CSMD1: variants seen among roughly 807,000 people sequenced by gnomAD.
The protein encoded by CSMD1 is CUB and Sushi multiple domains 1, also known as CUB and sushi domain-containing protein 1.
CSMD1 carries 213 observed loss-of-function variants against 417.5 expected under a neutral mutation model. The ratio of observed to expected loss-of-function variants is 0.51; its 90% CI spans 0.46 to 0.57. CSMD1 has a LOEUF of 0.57. Ranked by LOEUF, CSMD1 falls within the 20% of genes least tolerant of loss-of-function variation. The pLI is 0.00. For missense variants in CSMD1, 6,923 were observed against 4,529.7 expected (o/e 1.53, Z -15.17); for synonymous variants, 2,862 against 1,736.8 (o/e 1.65, Z -16.11).
At chr8:3,251,381 T>C (rs1199507157) in intron 26 of CSMD1, among the ~76,000 whole-genome samples, 57 of 152,266 alleles carry the variant, frequency 3.7e-4, no homozygotes, top group African/African-American at 8.2e-4. Flanking sequence ...TGTAGATATG[T>C]GGCATTATTT....
chr8:4,889,330 G>C (rs1040376456), intron 1 of CSMD1, among the ~76,000 whole-genome samples: 9 of 152,088 alleles, frequency 5.9e-5, no homozygotes, highest in African/African-American at 2.2e-4. Flanking sequence ...AGAATTTTAT[G>C]AATCAAGTTT....
intron 42 of CSMD1, among the ~76,000 whole-genome samples, chr8:3,116,720 A>C (rs1309854711): frequency 6.6e-6 from 1 of 152,204 alleles, no homozygotes; most frequent in Non-Finnish European, 1.5e-5. Context: ...AAGCTTGAGA[A>C]AGCAATAAAA....
intron 5 of CSMD1, among the ~76,000 whole-genome samples, chr8:3,831,420 G>C (rs936715330): frequency 6.6e-6 from 1 of 152,060 alleles, no homozygotes; most frequent in African/African-American, 2.4e-5. Flanking sequence ...AATGACCAAA[G>C]CTATATTAAA....
intron 26 of CSMD1, among the ~76,000 whole-genome samples, chr8:3,249,085 T>G (rs1800084760): frequency 6.6e-6 from 1 of 152,202 alleles, no homozygotes. Flanking sequence ...AAAAAATGTT[T>G]GTCGAATGAA....
chr8:2,946,079 C>G lies in CSMD1; in HGVS notation c.10402+3220G>C, dbSNP rs557419776. 4.6e-5 allele frequency among the ~76,000 whole-genome samples: 7 copies of G among 152,308 alleles called. No homozygotes were observed. The South Asian group carries it at 1.4e-3, about 32-fold the overall frequency. The stretch of plus-strand genomic sequence containing the variant: ...CTACTGCATATCTAGGCTATAGGTA[C>G]AGCCAGTGGCTCCTACATGAGTAAC... On this transcript the variant is annotated intron_variant, in intron 68 of 69. Coordinates refer to ENST00000635120, the MANE Select transcript of CSMD1 (RefSeq NM_033225.6).
At chr8:4,471,473 G>C (rs781436395) in intron 2 of CSMD1, among the ~76,000 whole-genome samples, 1 of 152,106 alleles carries the variant, frequency 6.6e-6, no homozygotes, top group African/African-American at 2.4e-5. Flanking sequence ...TTCACAAGAT[G>C]CATGTGCCTA....
At chr8:3,443,673 T>G (rs977570781) in intron 12 of CSMD1, among the ~76,000 whole-genome samples, 1 of 152,156 alleles carries the variant, frequency 6.6e-6, no homozygotes, top group Non-Finnish European at 1.5e-5. Context: ...TATATCACAA[T>G]AAAACAAAAT....
At chr8:4,382,220 A>G (rs560474513) in intron 3 of CSMD1, among the ~76,000 whole-genome samples, 2 of 152,206 alleles carry the variant, frequency 1.3e-5, no homozygotes, top group Non-Finnish European at 2.9e-5. Flanking sequence ...TGGAAACTCA[A>G]TTTCATTAAA....
intron 5 of CSMD1, among the ~76,000 whole-genome samples, chr8:3,964,259 T>C (rs997986974): frequency 1.3e-5 from 2 of 152,224 alleles, no homozygotes; most frequent in Non-Finnish European, 2.9e-5. Context: ...CTATCCCTCC[T>C]TTGGGGCTTA....
chr8:4,829,082 G>C (rs937292737), intron 1 of CSMD1, among the ~76,000 whole-genome samples: 23 of 152,084 alleles, frequency 1.5e-4, no homozygotes, highest in Non-Finnish European at 2.8e-4. Flanking sequence ...CTAACATTTT[G>C]CATTTAACAA....
intron 6 of CSMD1, among the ~76,000 whole-genome samples, chr8:3,743,115 T>G (rs1224739317): frequency 6.6e-6 from 1 of 152,212 alleles, no homozygotes; most frequent in Non-Finnish European, 1.5e-5. Flanking sequence ...TTAAAGGAAC[T>G]GAGAGACTTG....
chr8:4,757,354 C>G (rs1468739355), intron 1 of CSMD1, among the ~76,000 whole-genome samples: 1 of 152,108 alleles, frequency 6.6e-6, no homozygotes, highest in Non-Finnish European at 1.5e-5. Context: ...TAGCTAGGCC[C>G]CAACTCAGTC....
At chr8:4,197,076 G>C (rs975596354) in intron 3 of CSMD1, among the ~76,000 whole-genome samples, 2 of 151,974 alleles carry the variant, frequency 1.3e-5, no homozygotes, top group African/African-American at 4.8e-5. Context: ...GTGTTCTATG[G>C]GAAATGAAAC....
chr8:4,957,894 A>T (rs1253804703), intron 1 of CSMD1, among the ~76,000 whole-genome samples: 2 of 152,166 alleles, frequency 1.3e-5, no homozygotes, highest in Non-Finnish European at 2.9e-5. Flanking sequence ...GTGGATTGAT[A>T]AAGCTGGTGT....
At chr8:4,447,174 T>C (rs539148689) in intron 2 of CSMD1, among the ~76,000 whole-genome samples, 2 of 152,328 alleles carry the variant, frequency 1.3e-5, no homozygotes, top group Non-Finnish European at 2.9e-5. Context: ...ATTGATCCCA[T>C]GTTATTTCCC....
chr8:3,863,820 G>GA lies in CSMD1; in HGVS notation c.819-109779dup, dbSNP rs547694503. On this transcript the variant is annotated intron_variant, in intron 5 of 69. Coordinates refer to ENST00000635120, the MANE Select transcript of CSMD1 (RefSeq NM_033225.6). Reference sequence around the variant, plus strand: ...TCTACAATCTTCTATTATTCATGACGAAAAAAAAAATCAGAAAAAACAGAG... The same window carrying GA: ...TCTACAATCTTCTATTATTCATGACGAAAAAAAAAAATCAGAAAAAACAGAG... Among the ~76,000 whole-genome samples, 413 of 148,620 alleles carry GA rather than the reference G, an allele frequency of 2.8e-3. 1 individual carries two copies. Among genetic ancestry groups the GA allele is most frequent in the African/African-American group, 7.9e-3 (320 of 40,630 alleles).
At chr8:3,294,551 C>T (rs1277687256) in intron 25 of CSMD1, among the ~76,000 whole-genome samples, 2 of 118,180 alleles carry the variant, frequency 1.7e-5, no homozygotes. Context: ...CTCGCTGCAG[C>T]CTTGCAGTTT....
intron 1 of CSMD1, among the ~76,000 whole-genome samples, chr8:4,738,183 CTT>C (rs1279311478): frequency 2.0e-5 from 3 of 152,136 alleles, no homozygotes; most frequent in Non-Finnish European, 4.4e-5. Flanking sequence ...GTTTGATAGA[CTT>C]TCAAATAGTC....
chr8:4,889,153 G>C (rs576094058), intron 1 of CSMD1, among the ~76,000 whole-genome samples: 2 of 152,182 alleles, frequency 1.3e-5, no homozygotes, highest in East Asian at 1.9e-4. Context: ...ATCACAAAAA[G>C]AACAAGTTAC....
Sources: gnomAD v4.1 joint callset for allele counts (sites outside exome capture counted in the v4.1 genomes callset) on GRCh38, gnomAD v4.1.1 for gene constraint, MANE v1.5 for transcripts, NCBI Gene and HGNC (gene_info 2026-07-23, HGNC 2026-07-21) for gene names.